ANO4: variants seen among roughly 807,000 people sequenced by gnomAD.
ANO4 encodes anoctamin-4.
ANO4 carries 69 observed loss-of-function variants against 141.9 expected under a neutral mutation model. The ratio of observed to expected loss-of-function variants is 0.49; its 90% CI spans 0.40 to 0.59. The LOEUF (loss-of-function observed/expected upper bound fraction) is 0.59, where lower values mean the gene tolerates loss of function less well. Ranked by LOEUF, ANO4 falls within the 20% of genes least tolerant of loss-of-function variation. The probability of loss-of-function intolerance (pLI) is 0.00; values close to 1 mark genes in which losing one functional copy is unlikely to be tolerated. For synonymous variants in ANO4, 350 were observed against 394.3 expected, an observed-to-expected ratio of 0.89 and a Z score of 1.33; for missense variants, 894 against 1,162.2, an observed-to-expected ratio of 0.77 and a Z score of 3.36.
At chr12:100,976,740 C>T (rs1274932011) in intron 7 of ANO4, among the ~76,000 whole-genome samples, 1 of 152,152 alleles carries the variant, frequency 6.6e-6, no homozygotes, top group Non-Finnish European at 1.5e-5. Flanking sequence ...ACGGATTTGA[C>T]TGACTATGGG....
intron 1 of ANO4, among the ~76,000 whole-genome samples, chr12:100,731,350 A>G (rs2031372662): frequency 6.6e-6 from 1 of 152,156 alleles, no homozygotes; most frequent in Non-Finnish European, 1.5e-5. Context: ...CTTATACCCT[A>G]TGTTAATTTT....
chr12:100,853,059 C>T (rs990913652), intron 1 of ANO4, among the ~76,000 whole-genome samples: 2 of 152,112 alleles, frequency 1.3e-5, no homozygotes, highest in Non-Finnish European at 2.9e-5. Flanking sequence ...AAGTAGAGGA[C>T]CTTTGTACAA....
At position 100,863,661 on chromosome 12, in the gene ANO4, C is replaced by T. The variant is rs184754344; in HGVS notation, c.-140-37985C>T. On this transcript the variant is annotated intron_variant, in intron 1 of 27. Transcript: ENST00000392977. ...TATATATTCATTATGTACAAATATA[C>T]GTGCATTATATTATTAAAACTTAAC... Among the ~76,000 whole-genome samples the T allele has an allele frequency of 2.1e-4, 32 of 152,176 alleles. No homozygotes were observed. In the East Asian group the frequency reaches 3.5e-3, roughly 17 times the overall value.
chr12:101,105,910 C>G (rs1473637062), intron 22 of ANO4, among the ~76,000 whole-genome samples: 3 of 152,122 alleles, frequency 2.0e-5, no homozygotes, highest in Admixed American at 6.5e-5. Flanking sequence ...CACCTGAGGT[C>G]AGGAGTTCGA....
rs188744132 is a variant in ANO4 at position 100,768,220 on chromosome 12, C to T, written c.358+28115C>T. ...GCCAGGTTTCACTGGTGCTAGGGTC[C>T]GTAGCCAAGTTGGGTGCCCACTTCC... is the stretch of plus-strand genomic sequence containing the variant. On this transcript the variant is annotated intron_variant, in intron 3 of 29. Coordinates refer to the ANO4 transcript ENST00000644049. 4.4e-4 allele frequency among the ~76,000 whole-genome samples: 67 copies of T among 152,266 alleles called. No individual in the cohort carries two copies. In the East Asian group the frequency reaches 7.0e-3, roughly 16 times the overall value.
At chr12:101,116,335 CTGTGTTTATGTGTATCATCAA>C (rs1338539038) in intron 24 of ANO4, among the ~76,000 whole-genome samples, 9 of 152,128 alleles carry the variant, frequency 5.9e-5, no homozygotes, top group African/African-American at 1.7e-4. Context: ...TAATGAGGAA[CTGTGTTTATGTGTATCATCAA>C]CAAAAGAAGC....
chr12:100,834,124 C>A (rs1329668530), intron 1 of ANO4, among the ~76,000 whole-genome samples: 1 of 152,124 alleles, frequency 6.6e-6, no homozygotes, highest in Non-Finnish European at 1.5e-5. Flanking sequence ...AGTCTCATAA[C>A]AGGAGCAGTT....
intron 14 of ANO4, among the ~76,000 whole-genome samples, chr12:101,064,286 ATTG>A (rs1215984070): frequency 6.6e-6 from 1 of 152,158 alleles, no homozygotes; most frequent in African/African-American, 2.4e-5. Context: ...GTAGAAGCGT[ATTG>A]TTTAATTACC....
chr12:100,748,644 G>A (rs1185875018), intron 3 of ANO4, among the ~76,000 whole-genome samples: 1 of 152,152 alleles, frequency 6.6e-6, no homozygotes, highest in Non-Finnish European at 1.5e-5. Flanking sequence ...AATTGATGTC[G>A]TTAGACCATT....
intron 1 of ANO4, among the ~76,000 whole-genome samples, chr12:100,876,846 ATTACT>A (rs1445151116): frequency 6.6e-6 from 1 of 152,070 alleles, no homozygotes. Context: ...TACTATTTTG[ATTACT>A]TTAGCTATGT....
intron 8 of ANO4, among the ~76,000 whole-genome samples, chr12:101,017,773 T>TA (rs1206154450): frequency 1.3e-5 from 2 of 152,320 alleles, no homozygotes; most frequent in East Asian, 3.9e-4. Context: ...GGCTAATAAG[T>TA]ACTACTTCCC....
At chr12:100,895,437 G>T (rs771659921) in intron 1 of ANO4, among the ~76,000 whole-genome samples, 1 of 152,032 alleles carries the variant, frequency 6.6e-6, no homozygotes, top group Non-Finnish European at 1.5e-5. Context: ...GCACACCTTG[G>T]AAGTGGGCCA....
At chr12:101,104,653 ATATATATATATATATATAAAT>A (rs2050361709) in intron 22 of ANO4, among the ~76,000 whole-genome samples, 9 of 64,538 alleles carry the variant, frequency 1.4e-4, no homozygotes, top group Admixed American at 8.5e-4. Flanking sequence ...ATATATATAT[ATATATATATATATATATAAAT>A]AAAAAGATTT....
intron 14 of ANO4, chr12:101,066,709 GC>G (rs1267278323): frequency 2.3e-5 from 17 of 730,612 alleles, no homozygotes; most frequent in Non-Finnish European, 3.7e-5. Flanking sequence ...AGGTCAGGTG[GC>G]ACCTGCTTGA....
intron 3 of ANO4, among the ~76,000 whole-genome samples, chr12:100,741,319 T>C (rs922508943): frequency 1.3e-5 from 2 of 152,120 alleles, no homozygotes; most frequent in Non-Finnish European, 2.9e-5. Context: ...AGAGGTAAGA[T>C]GCTGAGGTTG....
chr12:100,883,815 A>G (rs2039688368), intron 1 of ANO4, among the ~76,000 whole-genome samples: 1 of 152,248 alleles, frequency 6.6e-6, no homozygotes, highest in African/African-American at 2.4e-5. Flanking sequence ...AAACGTGGAT[A>G]TGTGCCTTGT....
chr12:101,028,715 T>A (rs2046842445), intron 9 of ANO4, among the ~76,000 whole-genome samples: 1 of 152,164 alleles, frequency 6.6e-6, no homozygotes. Context: ...GAGTACCACC[T>A]GAAGCAGACG....
chr12:100,983,383 C>T (rs752434466), intron 7 of ANO4, among the ~76,000 whole-genome samples: 2 of 152,188 alleles, frequency 1.3e-5, no homozygotes, highest in Non-Finnish European at 2.9e-5. Context: ...TATTAGCTCA[C>T]AATTCTGTAA....
chr12:101,054,427 G>C (rs1312949955), intron 14 of ANO4, among the ~76,000 whole-genome samples: 1 of 152,158 alleles, frequency 6.6e-6, no homozygotes, highest in African/African-American at 2.4e-5. Context: ...GCAACTTTAA[G>C]TGAACAATTC....
Sources: allele counts gnomAD v4.1 joint callset (sites outside exome capture counted in the v4.1 genomes callset), GRCh38; gene constraint gnomAD v4.1.1; transcripts MANE v1.5; gene names NCBI Gene and HGNC (gene_info 2026-07-23, HGNC 2026-07-21).